MUC5AC: variants seen among roughly 807,000 people sequenced by gnomAD.
MUC5AC encodes mucin 5AC, oligomeric mucus/gel-forming, also known as mucin-5AC.
MUC5AC carries 158 observed loss-of-function variants against 169.7 expected under a neutral mutation model. The ratio of observed to expected loss-of-function variants is 0.93; its 90% CI spans 0.82 to 1.06. The LOEUF is 1.06. Among genes scored for constraint, MUC5AC ranks in the 50% least tolerant of loss-of-function variants. The probability of loss-of-function intolerance (pLI) is 0.00; values close to 1 mark genes in which losing one functional copy is unlikely to be tolerated. For synonymous variants in MUC5AC, 1,975 were observed against 1,237.0 expected, an observed-to-expected ratio of 1.60 and a Z score of -12.52; for missense variants, 4,359 against 3,089.9, an observed-to-expected ratio of 1.41 and a Z score of -9.74.
rs1358388026 is a variant in MUC5AC at position 1,176,923 on chromosome 11, C to T, written c.2655-5C>T. ...GCTCTAGCCTGACCCCCAGATGTCC[C>T]CCAGCACCTGTGACAGCAGGATGTG... On this transcript the variant is annotated splice_region_variant and splice_polypyrimidine_tract_variant and intron_variant, in intron 21 of 48. Transcript: ENST00000621226. 2 of 398,788 alleles carry T rather than the reference C, an allele frequency of 5.0e-6. No homozygotes were observed. The highest frequency in any genetic ancestry group is 3.6e-5 in the East Asian group (1 of 28,098). The allele number at this position is 398,788 out of a possible 1,614,324, so 24.7% of individuals were successfully genotyped here. A position where few individuals can be genotyped will look rare whatever the true frequency, so the allele number is the denominator to read the frequency against.
intron 15 of MUC5AC, among the ~76,000 whole-genome samples, chr11:1,171,323 T>C (rs1860519499): frequency 4.3e-5 from 1 of 23,382 alleles, no homozygotes; most frequent in African/African-American, 3.3e-4. Flanking sequence ...CTCAGTCACC[T>C]CACTCACTCA....
rs1860990537 is a variant in MUC5AC at position 1,187,787 on chromosome 11, C to T, written c.9642C>T (p.His3214=). The change falls in exon 31 of 49, where the codon CAC becomes CAT. Residue 3214 remains histidine, a synonymous_variant. Coordinates refer to ENST00000621226, the MANE Select transcript of MUC5AC (RefSeq NM_001304359.2). ...ATGTTTCCATATCCAAGACAACCCA[C>T]TCCCAACCAGTCACCAGAGACTGTC... is the stretch of plus-strand genomic sequence containing the variant. The part of the protein sequence containing the change: ...TSHVSISKTT[H]SQPVTRDCHL... The T allele has an allele frequency of 5.2e-6, 4 of 765,128 alleles. No individual in the cohort carries two copies. Among genetic ancestry groups the T allele is most frequent in the Admixed American group, 5.1e-5 (3 of 59,034 alleles). 47.4% of individuals were successfully genotyped at this position (765,128 alleles called of 1,614,324 possible).
In MUC5AC at chr11:1,199,151, C is replaced by T; in HGVS notation, c.16361C>T (p.Thr5454Ile). ...ACCTGTGTGCAGGTCGCCTGTGTCA[C>T]CAACACCAGCAAGAGCCCCGCCCAC... Reference protein sequence around the residue: ...CGTCVQVACVTNTSKSPAHLF... With the variant: ...CGTCVQVACVINTSKSPAHLF... The change falls in exon 45 of 49, where the codon ACC (threonine) becomes ATC (isoleucine). Residue 5454 changes from threonine (T) to isoleucine (I), a missense_variant. Physicochemically the swap from Thr to Ile is moderately conservative, Grantham distance 89. Coordinates refer to ENST00000621226, the MANE Select transcript of MUC5AC (RefSeq NM_001304359.2). The T allele has an allele frequency of 1.3e-6, 1 of 764,652 alleles. No individual in the cohort carries two copies. The highest frequency in any genetic ancestry group is 2.4e-5 in the East Asian group (1 of 41,232). The allele number at this position is 764,652 out of a possible 1,614,324, so 47.4% of individuals were successfully genotyped here. A position where few individuals can be genotyped will look rare whatever the true frequency, so the allele number is the denominator to read the frequency against.
intron 9 of MUC5AC, among the ~76,000 whole-genome samples, chr11:1,164,852 A>G (rs1423671375): frequency 1.6e-5 from 1 of 62,868 alleles, no homozygotes; most frequent in Non-Finnish European, 3.0e-5. Context: ...CTGGCTGAGG[A>G]TCCTGTCCTG....
intron 16 of MUC5AC, among the ~76,000 whole-genome samples, chr11:1,172,742 ACACT>A (rs1359470252): frequency 3.4e-5 from 5 of 147,580 alleles, no homozygotes; most frequent in Admixed American, 6.7e-5. Context: ...ACTCACCCAC[ACACT>A]CACCCATTCA....
At chr11:1,165,799 G>C (rs773172556) in intron 11 of MUC5AC, 39 bp downstream of exon 11, 1 of 1,607,970 alleles carries the variant, frequency 6.2e-7, no homozygotes, top group South Asian at 1.1e-5. Flanking sequence ...CGGACAGAGG[G>C]GGCCCATGGC....
At chr11:1,175,837 G>GCACTCACACCCACTTATTATGCAA (rs1554926831) in intron 19 of MUC5AC, among the ~76,000 whole-genome samples, 1 of 91,290 alleles carries the variant, frequency 1.1e-5, no homozygotes, top group Non-Finnish European at 2.1e-5. Flanking sequence ...TCATGCACAC[G>GCACTCACACCCACTTATTATGCAA]CACTCACACA....
intron 11 of MUC5AC, among the ~76,000 whole-genome samples, chr11:1,166,818 G>A (rs1860346427): frequency 1.0e-5 from 1 of 98,844 alleles, no homozygotes; most frequent in Admixed American, 1.0e-4. Context: ...ATGAGACCCT[G>A]CACCCAACAC....
Position 1,194,669 on chromosome 11 carries a change from C to A in MUC5AC, c.15189C>A (p.Cys5063Ter). The stretch of plus-strand genomic sequence containing the variant: ...TTGCCAACAACACCGAGGGCCAGTG[C>A]GGTGAGGCCACAGGGCTCCCGGGCA... Reference protein sequence around the residue: ...SKFANNTEGQCGTCTNDRKDE... With the variant: ...SKFANNTEGQ The change falls in exon 35 of 49, where the codon TGC (cysteine) becomes TGA (stop). Residue 5063 changes from cysteine (C) to a stop codon, truncating the protein, a stop_gained and splice_region_variant. Coordinates refer to ENST00000621226, the MANE Select transcript of MUC5AC (RefSeq NM_001304359.2). LOFTEE classifies it high-confidence loss of function. The A allele has an allele frequency of 2.7e-6, 2 of 754,186 alleles. No individual in the cohort carries two copies. Among genetic ancestry groups the A allele is most frequent in the South Asian group, 1.4e-5 (1 of 73,478 alleles). 46.7% of individuals were successfully genotyped at this position (754,186 alleles called of 1,614,324 possible). A position where few individuals can be genotyped will look rare whatever the true frequency, so the allele number is the denominator to read the frequency against.
chr11:1,180,516 G>T lies in MUC5AC; in HGVS notation c.3776G>T (p.Cys1259Phe). 1 of 398,796 alleles carries T rather than the reference G, an allele frequency of 2.5e-6. No individual in the cohort carries two copies. The highest frequency in any genetic ancestry group is 4.4e-6 in the Non-Finnish European group (1 of 226,156). The allele number at this position is 398,796 out of a possible 1,614,324, so 24.7% of individuals were successfully genotyped here. A position where few individuals can be genotyped will look rare whatever the true frequency, so the allele number is the denominator to read the frequency against. Residue 1259 changes from cysteine to phenylalanine, a missense_variant and splice_region_variant, in exon 28 of 49, where the codon TGC becomes TTC. By Grantham distance (205) the Cys-to-Phe change is radical. Coordinates refer to ENST00000621226, the MANE Select transcript of MUC5AC (RefSeq NM_001304359.2). Reference protein sequence around the residue: ...VVPSDKNCQSCLCTERGVECT... With the variant: ...VVPSDKNCQSFLCTERGVECT... ...CCCTCGGACAAGAACTGCCAGTCCT[G>T]GTGAGTCCTTTGGGGGGAGGAATAT...
chr11:1,194,016 G>A, intron 33 of MUC5AC, 94 bp from the exon 34 acceptor site: 1 of 703,958 alleles, frequency 1.4e-6, no homozygotes, highest in East Asian at 2.5e-5. Context: ...GACGGTGGGG[G>A]GTCAGGGACA....
At position 1,195,074 on chromosome 11, in the gene MUC5AC, T is replaced by C; in HGVS notation, c.15253T>C (p.Cys5085Arg). 1 of 758,292 alleles carries C rather than the reference T, an allele frequency of 1.3e-6. No individual in the cohort carries two copies. The highest frequency in any genetic ancestry group is 2.3e-4 in the Middle Eastern group (1 of 4,424). 47.0% of individuals were successfully genotyped at this position (758,292 alleles called of 1,614,324 possible). ...RTPRGTVVAS[C>R]SEMSGLWNVS... ...GCCTAGGGGGACGGTGGTCGCTTCC[T>C]GCTCCGAGATGTCCGGCCTCTGGAA... is the stretch of plus-strand genomic sequence containing the variant. Residue 5085 changes from cysteine (C) to arginine (R), a missense_variant, in exon 36 of 49, where the codon TGC (cysteine) becomes CGC (arginine). Transcript: ENST00000621226.
intron 1 of MUC5AC, 60 bp from the exon 2 acceptor site, chr11:1,160,552 G>T (rs115542754): frequency 2.3e-5 from 33 of 1,461,402 alleles, no homozygotes; most frequent in Non-Finnish European, 2.9e-5. Flanking sequence ...ATCTGTGGCC[G>T]CAGCCTGAGC....
In MUC5AC at chr11:1,168,757, C is replaced by A; in HGVS notation, c.1683C>A (p.Pro561=). The change falls in exon 14 of 49, where the codon CCC becomes CCA. Residue 561 remains proline, a synonymous_variant. Coordinates refer to ENST00000621226, the MANE Select transcript of MUC5AC (RefSeq NM_001304359.2). The stretch of plus-strand genomic sequence containing the variant: ...TGCAGCTGTTCATGCAGCTGGCGCC[C>A]AAGCTCCGTGGGCAGACCTGCGGTA... The part of the protein sequence containing the change: ...PTMQLFMQLA[P]KLRGQTCGLC... 1 of 1,605,810 alleles carries A rather than the reference C, an allele frequency of 6.2e-7. No homozygotes were observed. The highest frequency in any genetic ancestry group is 8.5e-7 in the Non-Finnish European group (1 of 1,174,510).
chr11:1,162,147 C>T lies in MUC5AC; in HGVS notation c.452C>T (p.Ser151Phe), dbSNP rs554102376. The change falls in exon 4 of 49, where the codon TCC becomes TTC. Residue 151 changes from serine (S) to phenylalanine (F), a missense_variant. Transcript: ENST00000621226. ...DGVVIQLTKG[S>F]VLVNGHPVLL... ...GTGGTCATCCAGCTGACCAAGGGCTCCGTCCTGGTCAACGGCCACCCGTGA... is the reference window on the plus strand; with the variant it reads ...GTGGTCATCCAGCTGACCAAGGGCTTCGTCCTGGTCAACGGCCACCCGTGA... 2 of 1,611,358 alleles carry T rather than the reference C, an allele frequency of 1.2e-6. No individual in the cohort carries two copies. Among genetic ancestry groups the T allele is most frequent in the African/African-American group, 2.7e-5 (2 of 75,018 alleles).
At position 1,198,201 on chromosome 11, in the gene MUC5AC, C is replaced by G. The variant is rs1004088487; in HGVS notation, c.16136-67C>G. 9 of 714,562 alleles carry G rather than the reference C, an allele frequency of 1.3e-5. No individual in the cohort carries two copies. The Admixed American group carries it at 1.8e-4, about 14-fold the overall frequency. The allele number at this position is 714,562 out of a possible 1,614,324, so 44.3% of individuals were successfully genotyped here. On this transcript the variant is annotated intron_variant, in intron 42 of 48. Transcript: ENST00000621226. ...TGAGGCGCCCAGGAGGCTGCAGGGGCGGGAATGCTGAGGGTGAGGGGAGAG... is the reference window on the plus strand; with the variant it reads ...TGAGGCGCCCAGGAGGCTGCAGGGGGGGGAATGCTGAGGGTGAGGGGAGAG...
rs760048224 is a variant in MUC5AC at position 1,192,255 on chromosome 11, C to T, written c.14110C>T (p.Arg4704Trp). The T allele has an allele frequency of 5.2e-6, 4 of 765,068 alleles. No homozygotes were observed. The highest frequency in any genetic ancestry group is 9.6e-6 in the Non-Finnish European group (4 of 417,890). 47.4% of individuals were successfully genotyped at this position (765,068 alleles called of 1,614,324 possible). ...QCSREEGLVC[R>W]NQDQQGPFKM... ...CAGCCGTGAAGAGGGCCTGGTGTGC[C>T]GGAACCAGGACCAGCAGGGACCCTT... is the stretch of plus-strand genomic sequence containing the variant. Residue 4704 changes from arginine (R) to tryptophan (W), a missense_variant, in exon 31 of 49, where the codon CGG becomes TGG. By Grantham distance (101) the Arg-to-Trp change is moderately radical. Transcript: ENST00000621226.
At chr11:1,162,233 C>T (rs376515655) in intron 4 of MUC5AC, 65 bp downstream of exon 4, 24 of 1,565,686 alleles carry the variant, frequency 1.5e-5, no homozygotes, top group African/African-American at 2.7e-5. Flanking sequence ...CGGGTGGTTG[C>T]GGGGTTTCGC....
intron 39 of MUC5AC, 25 bp downstream of exon 39, chr11:1,196,745 G>GGGGTGTGGCAGGACT: frequency 1.3e-6 from 1 of 741,788 alleles, no homozygotes; most frequent in East Asian, 2.5e-5. Flanking sequence ...CCGGGGCTGG[G>GGGGTGTGGCAGGACT]GGGTGTGGCA....
Sources: allele counts gnomAD v4.1 joint callset (sites outside exome capture counted in the v4.1 genomes callset), GRCh38; gene constraint gnomAD v4.1.1; transcripts MANE v1.5; gene names NCBI Gene and HGNC (gene_info 2026-07-23, HGNC 2026-07-21).